The following MELK variants were observed in gnomAD, a reference collection of about 807,000 sequenced individuals.
MELK encodes the protein pEg3 kinase.
In MELK, 81 loss-of-function variants were observed where a neutral mutation model predicts 85.0. The observed-to-expected ratio is 0.95, with a 90% confidence interval of 0.80 to 1.15. MELK has a LOEUF of 1.15. Among genes scored for constraint, MELK ranks in the 50% most tolerant of loss-of-function variants. The pLI is 0.00. For synonymous variants in MELK, 252 were observed against 265.0 expected (o/e 0.95, Z 0.48); for missense variants, 754 against 777.5 (o/e 0.97, Z 0.36).
chr9:36,641,150 C>CAG (rs1318220144), intron 10 of MELK, among the ~76,000 whole-genome samples: 1 of 152,158 alleles, frequency 6.6e-6, no homozygotes, highest in Non-Finnish European at 1.5e-5. Context: ...GGAAGACTTG[C>CAG]AGAGGAAAGG....
At chr9:36,662,346 T>A (rs1348195057) in intron 13 of MELK, among the ~76,000 whole-genome samples, 1 of 151,452 alleles carries the variant, frequency 6.6e-6, no homozygotes, top group African/African-American at 2.4e-5. Flanking sequence ...TGGGTTCAAG[T>A]GATTCTCCTG....
At chr9:36,607,458 T>C (rs1825669105) in intron 7 of MELK, 117 bp from the exon 8 acceptor site, 2 of 761,110 alleles carry the variant, frequency 2.6e-6, no homozygotes, top group Non-Finnish European at 4.4e-6. Context: ...AAATGGTTGA[T>C]ATCTGAGTTC....
intron 11 of MELK, among the ~76,000 whole-genome samples, chr9:36,649,807 C>T (rs1830534929): frequency 6.6e-6 from 1 of 151,986 alleles, no homozygotes; most frequent in African/African-American, 2.4e-5. Flanking sequence ...ATATTCCAGG[C>T]CGGGCACTAT....
chr9:36,577,457 A>G (rs936149370), intron 1 of MELK, among the ~76,000 whole-genome samples: 4 of 151,980 alleles, frequency 2.6e-5, no homozygotes. Flanking sequence ...CGCAGGTTGC[A>G]GTGAGCTGAG....
intron 10 of MELK, among the ~76,000 whole-genome samples, chr9:36,638,675 A>G (rs1034295373): frequency 1.3e-5 from 2 of 152,292 alleles, no homozygotes; most frequent in African/African-American, 4.8e-5. Flanking sequence ...TCTGTATATT[A>G]TACTGTGGTA....
chr9:36,592,576 T>C (rs571406557), intron 4 of MELK, among the ~76,000 whole-genome samples: 2 of 152,166 alleles, frequency 1.3e-5, no homozygotes, highest in Non-Finnish European at 2.9e-5. Context: ...TATGTGTGTG[T>C]GTGTAGCTTA....
chr9:36,617,614 C>T (rs976483215), intron 8 of MELK, among the ~76,000 whole-genome samples: 1 of 152,164 alleles, frequency 6.6e-6, no homozygotes, highest in Non-Finnish European at 1.5e-5. Context: ...GCCACTGTGC[C>T]CAGCCTGTCA....
chr9:36,675,307 G>A (rs2138278922), intron 17 of MELK, among the ~76,000 whole-genome samples: 1 of 152,176 alleles, frequency 6.6e-6, no homozygotes, highest in East Asian at 1.9e-4. Flanking sequence ...AATAGAAGTT[G>A]ATCTCCTCAC....
chr9:36,595,581 T>G (rs1824125699), intron 5 of MELK, among the ~76,000 whole-genome samples: 1 of 149,744 alleles, frequency 6.7e-6, no homozygotes, highest in African/African-American at 2.5e-5. Flanking sequence ...ATCTGTCAAT[T>G]GTGTGTGACT....
intron 2 of MELK, among the ~76,000 whole-genome samples, chr9:36,582,396 G>A (rs1475345157): frequency 1.3e-5 from 2 of 152,206 alleles, no homozygotes; most frequent in Non-Finnish European, 2.9e-5. Flanking sequence ...ATGAAGGAGG[G>A]CAAGAGCAGA....
intron 7 of MELK, among the ~76,000 whole-genome samples, chr9:36,605,671 C>T (rs960387423): frequency 6.6e-6 from 1 of 150,958 alleles, no homozygotes; most frequent in African/African-American, 2.4e-5. Context: ...TCACTTGAGA[C>T]GTCATAGTAG....
intron 8 of MELK, among the ~76,000 whole-genome samples, chr9:36,611,993 G>A (rs1486200324): frequency 1.3e-5 from 2 of 151,920 alleles, no homozygotes; most frequent in Non-Finnish European, 2.9e-5. Context: ...GGCTGGTCTT[G>A]AACTCCTCAC....
chr9:36,667,463 T>G (rs1324639810), intron 14 of MELK, among the ~76,000 whole-genome samples: 1 of 152,234 alleles, frequency 6.6e-6, no homozygotes, highest in Non-Finnish European at 1.5e-5. Context: ...GCCCAGGGCT[T>G]TTTTATTTAA....
chr9:36,607,714 C>T (rs1774838004), intron 8 of MELK, 41 bp downstream of exon 8: 1 of 1,314,774 alleles, frequency 7.6e-7, no homozygotes, highest in African/African-American at 1.5e-5. Flanking sequence ...TAGAACTTTT[C>T]TATACCGAAT....
Position 36,627,510 on chromosome 9 carries a change from T to TTC in MELK, c.667-2775_667-2774dup, listed in dbSNP as rs199909779. ...CACTCAGTATTACCCAGAGAACCCATTCTCTCTCTCTCTCTTTTTTTTTTT... is the reference window on the plus strand; with the variant it reads ...CACTCAGTATTACCCAGAGAACCCATTCTCTCTCTCTCTCTCTTTTTTTTTTT... On this transcript the variant is annotated intron_variant, in intron 8 of 17. Transcript: ENST00000298048. 5.1e-3 allele frequency among the ~76,000 whole-genome samples: 749 copies of TTC among 147,866 alleles called. 1 individual carries two copies. The highest frequency in any genetic ancestry group is 8.0e-3 in the Admixed American group (119 of 14,856).
At chr9:36,657,689 C>G (rs1184256624) in intron 13 of MELK, among the ~76,000 whole-genome samples, 1 of 152,198 alleles carries the variant, frequency 6.6e-6, no homozygotes, top group Admixed American at 6.5e-5. Flanking sequence ...CTCCCAGGTT[C>G]AAGTGATTCT....
chr9:36,615,675 C>A (rs1256388833), intron 8 of MELK, among the ~76,000 whole-genome samples: 17 of 140,348 alleles, frequency 1.2e-4, no homozygotes, highest in African/African-American at 4.9e-4. Context: ...ACCTCCCAGA[C>A]GGGGTCTCGG....
At chr9:36,662,283 C>T (rs1230636858) in intron 13 of MELK, among the ~76,000 whole-genome samples, 3 of 149,264 alleles carry the variant, frequency 2.0e-5, no homozygotes, top group Non-Finnish European at 4.4e-5. Flanking sequence ...TGCTCTGTTG[C>T]CCAGGCTTGA....
At chr9:36,640,385 G>A (rs12376444) in intron 10 of MELK, among the ~76,000 whole-genome samples, 1,523 of 152,260 alleles carry the variant, frequency 0.01, 14 homozygotes, top group Non-Finnish European at 0.016. Context: ...GTGTCCTCAC[G>A]TGGTGGAACG....
Sources: allele counts gnomAD v4.1 joint callset (sites outside exome capture counted in the v4.1 genomes callset), GRCh38; gene constraint gnomAD v4.1.1; transcripts MANE v1.5; gene names NCBI Gene and HGNC (gene_info 2026-07-23, HGNC 2026-07-21).